Variants in SYT17 observed in about 807,000 individuals in gnomAD.
SYT17 encodes synaptotagmin 17.
SYT17 carries 22 observed loss-of-function variants against 46.7 expected under a neutral mutation model. That is an observed-to-expected ratio of 0.47 (90% CI 0.34 to 0.67). The LOEUF (loss-of-function observed/expected upper bound fraction) is 0.67, where lower values mean the gene tolerates loss of function less well. Ranked by LOEUF, SYT17 falls within the 30% of genes least tolerant of loss-of-function variation. SYT17 has a pLI of 0.01. For synonymous variants in SYT17, 251 were observed against 248.4 expected, an observed-to-expected ratio of 1.01 and a Z score of -0.10; for missense variants, 519 against 612.8, an observed-to-expected ratio of 0.85 and a Z score of 1.62.
intron 5 of SYT17, among the ~76,000 whole-genome samples, chr16:19,194,466 G>T (rs1422351963): frequency 6.6e-6 from 1 of 152,338 alleles, no homozygotes; most frequent in Admixed American, 6.5e-5. Context: ...AGGGCAGCGT[G>T]TTCTGGGGTC....
intron 5 of SYT17, among the ~76,000 whole-genome samples, chr16:19,219,830 A>G (rs1243482036): frequency 2.0e-5 from 3 of 152,200 alleles, no homozygotes; most frequent in African/African-American, 7.2e-5. Context: ...CCTGGTACAT[A>G]GTAAACTGTT....
chr16:19,263,921 C>T (rs951784612), intron 7 of SYT17, among the ~76,000 whole-genome samples: 2 of 152,184 alleles, frequency 1.3e-5, no homozygotes, highest in Non-Finnish European at 2.9e-5. Context: ...TTGTCCCCCA[C>T]CCTGCCAAAT....
chr16:19,190,768 CTGTGTGTGTGTGTGTG>C (rs56947560), intron 5 of SYT17, among the ~76,000 whole-genome samples: 33 of 144,834 alleles, frequency 2.3e-4, no homozygotes, highest in African/African-American at 5.9e-4. Context: ...AATAATATTC[CTGTGTGTGTGTGTGTG>C]TGTGTGTGTG....
At chr16:19,238,955 G>T (rs1044301545) in intron 7 of SYT17, among the ~76,000 whole-genome samples, 11 of 152,220 alleles carry the variant, frequency 7.2e-5, no homozygotes, top group Admixed American at 5.9e-4. Flanking sequence ...ACCCAGAGCT[G>T]CCAGTCAGCA....
chr16:19,226,429 C>T (rs1966498299), intron 7 of SYT17, among the ~76,000 whole-genome samples: 1 of 152,198 alleles, frequency 6.6e-6, no homozygotes, highest in Non-Finnish European at 1.5e-5. Flanking sequence ...AAGATTTCCC[C>T]TATATAAACT....
At chr16:19,241,719 G>A (rs184266004) in intron 7 of SYT17, among the ~76,000 whole-genome samples, 337 of 152,276 alleles carry the variant, frequency 2.2e-3, no homozygotes, top group Middle Eastern at 6.8e-3. Flanking sequence ...TCCTTCCTGC[G>A]CCCTCCCCAC....
chr16:19,184,412 G>A (rs913419664), intron 5 of SYT17, among the ~76,000 whole-genome samples: 1 of 122,988 alleles, frequency 8.1e-6, no homozygotes, highest in Non-Finnish European at 1.7e-5. Context: ...TTTTTTTTTT[G>A]AGACGCTCTG....
At chr16:19,257,684 C>T (rs1481928343) in intron 7 of SYT17, among the ~76,000 whole-genome samples, 3 of 152,136 alleles carry the variant, frequency 2.0e-5, no homozygotes, top group African/African-American at 7.2e-5. Context: ...ATGAAACAGC[C>T]CAGGGTGGTC....
At chr16:19,260,503 CAAAAAAAAAAAAAA>C (rs58392770) in intron 7 of SYT17, among the ~76,000 whole-genome samples, 1 of 76,192 alleles carries the variant, frequency 1.3e-5, no homozygotes, top group Non-Finnish European at 2.7e-5. Flanking sequence ...GACCTTGTCT[CAAAAAAAAAAAAAA>C]AAAAAAAAAA....
intron 7 of SYT17, among the ~76,000 whole-genome samples, chr16:19,232,133 ATGAAAGACCCCCACAC>A (rs1966720119): frequency 1.3e-5 from 2 of 152,208 alleles, no homozygotes; most frequent in Admixed American, 1.3e-4. Flanking sequence ...AGGGGTTGGC[ATGAAAGACCCCCACAC>A]CCTGCTGCCT....
Position 19,267,976 on chromosome 16 carries a change from A to AGTGTGT in SYT17, c.*902_*903insGTGTGT, listed in dbSNP as rs760178625. On this transcript the variant is annotated 3_prime_UTR_variant, in exon 8 of 8. Transcript: ENST00000355377. ...TGTGTGTGTGTGTGTGTGTGTGTAA[A>AGTGTGT]GTAAATAGGATATGATAGAGCAAAA... 0.011 allele frequency: 952 copies of AGTGTGT among 84,732 alleles called. 3 individuals are homozygous for AGTGTGT. Among genetic ancestry groups the AGTGTGT allele is most frequent in the South Asian group, 0.016 (18 of 1,128 alleles). The allele number at this position is 84,732 out of a possible 1,614,324, so 5.2% of individuals were successfully genotyped here.
At chr16:19,213,963 T>G (rs900849711) in intron 5 of SYT17, among the ~76,000 whole-genome samples, 2 of 152,214 alleles carry the variant, frequency 1.3e-5, no homozygotes, top group African/African-American at 4.8e-5. Context: ...CCTTTGGCAC[T>G]AGTGATATTT....
intron 7 of SYT17, among the ~76,000 whole-genome samples, chr16:19,251,778 T>A (rs1200932235): frequency 6.6e-6 from 1 of 152,188 alleles, no homozygotes; most frequent in Non-Finnish European, 1.5e-5. Flanking sequence ...TGAGCCTCCA[T>A]CTATTTCTCT....
intron 3 of SYT17, among the ~76,000 whole-genome samples, chr16:19,174,008 C>T (rs897985511): frequency 2.0e-5 from 3 of 152,158 alleles, no homozygotes; most frequent in African/African-American, 7.2e-5. Context: ...AGGGCCTGCA[C>T]ATAGTAAAAG....
chr16:19,172,331 A>G (rs1964128940), intron 1 of SYT17: 5 of 1,352,290 alleles, frequency 3.7e-6, no homozygotes, highest in Non-Finnish European at 4.7e-6. Context: ...GCCAAGTAAC[A>G]TCCACTGTGT....
intron 7 of SYT17, among the ~76,000 whole-genome samples, chr16:19,257,552 A>G (rs1968665017): frequency 6.6e-6 from 1 of 152,182 alleles, no homozygotes; most frequent in Non-Finnish European, 1.5e-5. Context: ...AGGAAGAAAG[A>G]AAAGGGGAAG....
chr16:19,181,065 C>T (rs142286835), intron 4 of SYT17, among the ~76,000 whole-genome samples: 282 of 152,310 alleles, frequency 1.9e-3, no homozygotes, highest in African/African-American at 6.5e-3. Context: ...AGGGTGTCTG[C>T]TACTCAGCTC....
At chr16:19,266,042 G>A (rs1332156001) in intron 7 of SYT17, among the ~76,000 whole-genome samples, 1 of 152,230 alleles carries the variant, frequency 6.6e-6, no homozygotes, top group Non-Finnish European at 1.5e-5. Context: ...TTGGCACTGT[G>A]TGCTGAGAGC....
intron 7 of SYT17, among the ~76,000 whole-genome samples, chr16:19,263,068 A>G (rs1260998459): frequency 1.3e-5 from 2 of 150,594 alleles, no homozygotes; most frequent in African/African-American, 4.9e-5. Context: ...CCTTTTGGCA[A>G]TTTGTTTAAT....
Sources: gnomAD v4.1 joint callset for allele counts (sites outside exome capture counted in the v4.1 genomes callset) on GRCh38, gnomAD v4.1.1 for gene constraint, MANE v1.5 for transcripts, NCBI Gene and HGNC (gene_info 2026-07-23, HGNC 2026-07-21) for gene names.